The following SLC39A11 variants were observed in gnomAD, a reference collection of about 807,000 sequenced individuals.
SLC39A11 encodes the protein solute carrier family 39 member 11.
In SLC39A11, 33 loss-of-function variants were observed where a neutral mutation model predicts 36.1. The ratio of observed to expected loss-of-function variants is 0.91; its 90% CI spans 0.69 to 1.22. The LOEUF (loss-of-function observed/expected upper bound fraction) is 1.22, where lower values mean the gene tolerates loss of function less well. SLC39A11 is among the 50% of genes most tolerant of loss of function. The pLI is 0.00. For missense variants in SLC39A11, 432 were observed against 430.3 expected, an observed-to-expected ratio of 1.00 and a Z score of -0.03; for synonymous variants, 166 against 170.3, an observed-to-expected ratio of 0.97 and a Z score of 0.20.
intron 3 of SLC39A11, among the ~76,000 whole-genome samples, chr17:73,070,440 C>T (rs928317322): frequency 1.2e-4 from 18 of 152,198 alleles, no homozygotes; most frequent in Non-Finnish European, 4.4e-5. Context: ...GCTCTTCTGA[C>T]TGTGACCTGA....
At chr17:73,049,560 G>C (rs367643855) in intron 3 of SLC39A11, among the ~76,000 whole-genome samples, 2 of 152,340 alleles carry the variant, frequency 1.3e-5, no homozygotes, top group East Asian at 3.9e-4. Flanking sequence ...AGCTTATTCA[G>C]TAAGAACTAA....
At chr17:72,828,093 T>TA (rs1229206021) in intron 6 of SLC39A11, among the ~76,000 whole-genome samples, 1 of 152,152 alleles carries the variant, frequency 6.6e-6, no homozygotes, top group Non-Finnish European at 1.5e-5. Flanking sequence ...TGTGCCAAAA[T>TA]AAAATAATAC....
intron 6 of SLC39A11, among the ~76,000 whole-genome samples, chr17:72,825,056 G>A (rs2077960275): frequency 6.6e-6 from 1 of 151,410 alleles, no homozygotes; most frequent in African/African-American, 2.4e-5. Context: ...AATGTTAATA[G>A]CCAAGACAAC....
chr17:72,680,414 G>A (rs1327932499), intron 7 of SLC39A11, among the ~76,000 whole-genome samples: 1 of 152,170 alleles, frequency 6.6e-6, no homozygotes, highest in Admixed American at 6.5e-5. Flanking sequence ...GGACCTGGTG[G>A]GAAGTAATTG....
At chr17:72,865,358 AC>A (rs1171675757) in intron 5 of SLC39A11, among the ~76,000 whole-genome samples, 1 of 151,328 alleles carries the variant, frequency 6.6e-6, no homozygotes. Context: ...ACAGAGAGAG[AC>A]AAAAAGGATG....
chr17:72,882,690 G>C (rs1021183103), intron 5 of SLC39A11, among the ~76,000 whole-genome samples: 1 of 152,074 alleles, frequency 6.6e-6, no homozygotes, highest in African/African-American at 2.4e-5. Flanking sequence ...GTTTCATCTG[G>C]AACTCTAATC....
chr17:72,669,003 A>G (rs1203543674), intron 7 of SLC39A11, among the ~76,000 whole-genome samples: 1 of 152,218 alleles, frequency 6.6e-6, no homozygotes, highest in Non-Finnish European at 1.5e-5. Context: ...AAACAATAGC[A>G]ACAACTAACC....
At chr17:72,893,557 C>T (rs537431332) in intron 5 of SLC39A11, among the ~76,000 whole-genome samples, 61 of 152,304 alleles carry the variant, frequency 4.0e-4, no homozygotes, top group Middle Eastern at 3.4e-3. Flanking sequence ...CTTTAAGTCT[C>T]ATTCCTGCTA....
chr17:72,927,604 G>A (rs2147361335), intron 5 of SLC39A11, among the ~76,000 whole-genome samples: 1 of 152,262 alleles, frequency 6.6e-6, no homozygotes, highest in East Asian at 1.9e-4. Context: ...ACAAGGACCA[G>A]CAGGAATGCC....
intron 7 of SLC39A11, among the ~76,000 whole-genome samples, chr17:72,662,541 G>C (rs1317425426): frequency 1.8e-5 from 2 of 110,258 alleles, no homozygotes; most frequent in East Asian, 5.3e-4. Context: ...AAGAGAGAAA[G>C]AAAGAAAAGA....
At chr17:72,701,193 A>G (rs890349795) in intron 7 of SLC39A11, among the ~76,000 whole-genome samples, 1 of 152,248 alleles carries the variant, frequency 6.6e-6, no homozygotes, top group Non-Finnish European at 1.5e-5. Context: ...GGCACTGCCA[A>G]CAATGCCTTC....
chr17:73,031,425 G>T, intron 4 of SLC39A11, 131 bp downstream of exon 4: 1 of 967,616 alleles, frequency 1.0e-6, no homozygotes, highest in Non-Finnish European at 1.5e-6. Flanking sequence ...CTAATGCCTT[G>T]TTCTCTGTTT....
chr17:72,785,815 C>T (rs1248841786), intron 6 of SLC39A11, among the ~76,000 whole-genome samples: 2 of 152,230 alleles, frequency 1.3e-5, no homozygotes, highest in Non-Finnish European at 1.5e-5. Context: ...AAGTATGTAT[C>T]TCAATCCTCC....
intron 7 of SLC39A11, among the ~76,000 whole-genome samples, chr17:72,717,611 A>G (rs2073462873): frequency 6.6e-6 from 1 of 152,162 alleles, no homozygotes; most frequent in South Asian, 2.1e-4. Flanking sequence ...TCCTTGTTTT[A>G]TAAGGGTACC....
chr17:72,873,749 G>T (rs1396927756), intron 5 of SLC39A11, among the ~76,000 whole-genome samples: 1 of 152,178 alleles, frequency 6.6e-6, no homozygotes, highest in Non-Finnish European at 1.5e-5. Flanking sequence ...TAGCTGGTCT[G>T]AACTGGGTTT....
intron 4 of SLC39A11, among the ~76,000 whole-genome samples, chr17:73,014,784 G>A (rs922953190): frequency 2.6e-4 from 39 of 152,168 alleles, no homozygotes; most frequent in African/African-American, 9.2e-4. Context: ...CTGGCTGCAC[G>A]TTTCTCTTGC....
At chr17:73,030,808 G>C (rs9675172) in intron 4 of SLC39A11, among the ~76,000 whole-genome samples, 2 of 151,998 alleles carry the variant, frequency 1.3e-5, no homozygotes, top group Non-Finnish European at 2.9e-5. Context: ...GGTTCCCATC[G>C]CATGACCTGG....
In SLC39A11 at chr17:72,849,664, T is replaced by C. The variant is rs2079208292; in HGVS notation, c.571A>G (p.Ile191Val). Residue 191 changes from isoleucine (I) to valine (V), a missense_variant, in exon 6 of 10, where the codon ATC becomes GTC. Transcript: ENST00000255559. ...GSSWRRIALL[I>V]LAITIHNVPE... ...ACGTTGTGTATAGTGATGGCCAAGATGAGCAGTGCGATCCTCCTCCAGCTG... is the reference window on the plus strand; with the variant it reads ...ACGTTGTGTATAGTGATGGCCAAGACGAGCAGTGCGATCCTCCTCCAGCTG... 1 of 1,589,854 alleles carries C rather than the reference T, an allele frequency of 6.3e-7. No individual in the cohort carries two copies. Among genetic ancestry groups the C allele is most frequent in the South Asian group, 1.2e-5 (1 of 86,886 alleles).
intron 5 of SLC39A11, among the ~76,000 whole-genome samples, chr17:72,873,450 A>G (rs1193445687): frequency 8.9e-6 from 1 of 112,710 alleles, no homozygotes; most frequent in Admixed American, 8.5e-5. Flanking sequence ...TACATCTCCC[A>G]TCCTTCCAAC....
Sources: allele counts gnomAD v4.1 joint callset (sites outside exome capture counted in the v4.1 genomes callset), GRCh38; gene constraint gnomAD v4.1.1; transcripts MANE v1.5; gene names NCBI Gene and HGNC (gene_info 2026-07-23, HGNC 2026-07-21).